Variants in GPHN observed in about 807,000 individuals in gnomAD.
GPHN encodes the protein gephyrin.
In GPHN, 17 loss-of-function variants were observed where a neutral mutation model predicts 95.5. The ratio of observed to expected loss-of-function variants is 0.18; its 90% CI spans 0.12 to 0.27. The LOEUF is 0.27. GPHN is among the 10% of genes least tolerant of loss of function. The pLI, the probability that GPHN is intolerant of heterozygous loss-of-function variation, is 1.00. For synonymous variants in GPHN, 320 were observed against 322.5 expected (o/e 0.99, Z 0.08); for missense variants, 660 against 978.1 (o/e 0.67, Z 4.34).
the GPHN span, among the ~76,000 whole-genome samples, chr14:67,514,901 G>C: frequency 6.6e-6 from 1 of 152,204 alleles, no homozygotes; most frequent in South Asian, 2.1e-4. Context: ...ATCTCGAACC[G>C]GGGCAGCAGC....
chr14:67,717,763 A>G, the GPHN span: 1 of 152,236 alleles, frequency 6.6e-6, no homozygotes, highest in African/African-American at 2.4e-5. Context: ...AAAGAATTAT[A>G]AGGCTCAAAA....
intron 2 of GPHN, among the ~76,000 whole-genome samples, chr14:66,768,934 A>G (rs2059062610): frequency 6.6e-6 from 1 of 152,086 alleles, no homozygotes; most frequent in African/African-American, 2.4e-5. Flanking sequence ...TATAATATAC[A>G]TATATACTTG....
chr14:66,714,108 C>T (rs1024655299), intron 2 of GPHN, among the ~76,000 whole-genome samples: 2 of 152,072 alleles, frequency 1.3e-5, no homozygotes, highest in South Asian at 2.1e-4. Context: ...TACCCATCCA[C>T]GAGTGTGGGA....
Position 66,707,425 on chromosome 14 carries a change from A to G in GPHN, c.143+26240A>G, listed in dbSNP as rs142053287. Among the ~76,000 whole-genome samples, 555 of 152,376 alleles carry G rather than the reference A, an allele frequency of 3.6e-3. 11 individuals are homozygous for G. Among genetic ancestry groups the G allele is most frequent in the African/African-American group, 0.013 (529 of 41,580 alleles). On this transcript the variant is annotated intron_variant, in intron 2 of 22. Coordinates refer to ENST00000478722, the MANE Select transcript of GPHN (RefSeq NM_020806.5). The stretch of plus-strand genomic sequence containing the variant: ...CATGGAACCAACCCAAATGCCCGTC[A>G]GTGATAGATTGGATAAAGAAAATGT...
chr14:67,631,090 C>A, the GPHN span, among the ~76,000 whole-genome samples: 1 of 152,204 alleles, frequency 6.6e-6, no homozygotes, highest in Non-Finnish European at 1.5e-5. Context: ...CTCTCCTAAC[C>A]TGTCCTTTCG....
chr14:67,225,044 C>T, the GPHN span: 1 of 1,390,548 alleles, frequency 7.2e-7, no homozygotes, highest in Non-Finnish European at 9.6e-7. Context: ...CTGCTTTTGG[C>T]TTTTTTTCTT....
At chr14:67,338,498 TA>T in the GPHN span, 1 of 1,077,910 alleles carries the variant, frequency 9.3e-7, no homozygotes. Context: ...GACATCTAGG[TA>T]AATTTTACAA....
At chr14:66,749,413 C>G (rs886414287) in intron 2 of GPHN, among the ~76,000 whole-genome samples, 2 of 151,842 alleles carry the variant, frequency 1.3e-5, no homozygotes, top group African/African-American at 4.8e-5. Flanking sequence ...TGTAAGAAAC[C>G]ACCAGACTGT....
At chr14:67,235,861 C>G in the GPHN span, among the ~76,000 whole-genome samples, 1 of 152,180 alleles carries the variant, frequency 6.6e-6, no homozygotes, top group African/African-American at 2.4e-5. Context: ...CTTTTGTTGA[C>G]TCTTGTTTCC....
the GPHN span, among the ~76,000 whole-genome samples, chr14:67,476,485 G>T: frequency 6.6e-6 from 1 of 152,254 alleles, no homozygotes; most frequent in Non-Finnish European, 1.5e-5. Context: ...TACTTGGGAG[G>T]CTGAGGCAGA....
chr14:67,285,319 T>C, the GPHN span, among the ~76,000 whole-genome samples: 1 of 151,924 alleles, frequency 6.6e-6, no homozygotes, highest in South Asian at 2.1e-4. Flanking sequence ...ATGAGAGTAA[T>C]ATATAAAAAT....
the GPHN span, among the ~76,000 whole-genome samples, chr14:67,478,824 A>G: frequency 6.6e-6 from 1 of 152,170 alleles, no homozygotes; most frequent in Non-Finnish European, 1.5e-5. Flanking sequence ...TCTCTGTGGT[A>G]ATAGTGAGCA....
the GPHN span, among the ~76,000 whole-genome samples, chr14:67,430,935 C>T: frequency 1.3e-5 from 2 of 152,274 alleles, no homozygotes; most frequent in South Asian, 2.1e-4. Flanking sequence ...TTCCCAAATA[C>T]GCCTTTGTGT....
At chr14:66,547,031 A>G (rs2140135473) in intron 1 of GPHN, among the ~76,000 whole-genome samples, 1 of 152,222 alleles carries the variant, frequency 6.6e-6, no homozygotes, top group Non-Finnish European at 1.5e-5. Flanking sequence ...AGATTTCTAG[A>G]TAGCTTGTTT....
chr14:67,116,987 C>T (rs577589747), intron 16 of GPHN, among the ~76,000 whole-genome samples: 2 of 152,202 alleles, frequency 1.3e-5, no homozygotes, highest in South Asian at 2.1e-4. Context: ...TTGTGTTAGA[C>T]CTATGTATCT....
At chr14:66,578,950 G>T (rs897362588) in intron 1 of GPHN, among the ~76,000 whole-genome samples, 8 of 151,670 alleles carry the variant, frequency 5.3e-5, no homozygotes, top group Non-Finnish European at 4.4e-5. Flanking sequence ...CTACAATGGT[G>T]GTGTGTAAAT....
chr14:66,586,019 A>G (rs1185875306), intron 1 of GPHN, among the ~76,000 whole-genome samples: 1 of 152,046 alleles, frequency 6.6e-6, no homozygotes, highest in Non-Finnish European at 1.5e-5. Flanking sequence ...ATTGTGTGGG[A>G]TTCTAAGTCT....
Position 66,545,492 on chromosome 14 carries a change from C to T in GPHN, c.64+36901C>T, listed in dbSNP as rs12890175. Among the ~76,000 whole-genome samples the T allele has an allele frequency of 1.4e-3, 147 of 105,640 alleles. 1 individual carries two copies. The highest frequency in any genetic ancestry group is 3.7e-3 in the African/African-American group (82 of 22,124). 69.3% of individuals were successfully genotyped at this position (105,640 alleles called of 152,430 possible). A position where few individuals can be genotyped will look rare whatever the true frequency, so the allele number is the denominator to read the frequency against. On this transcript the variant is annotated intron_variant, in intron 1 of 22. Transcript: ENST00000478722. The stretch of plus-strand genomic sequence containing the variant: ...GGCGCCCCTCACCTCCCGGACGGGG[C>T]GGCTGGCCGGGCGGGGAGCTGACCC...
chr14:67,292,657 C>T, the GPHN span: 4 of 1,613,614 alleles, frequency 2.5e-6, no homozygotes, highest in African/African-American at 5.3e-5. Context: ...CATCACAGTA[C>T]ACATGAACAA....
Sources: allele counts gnomAD v4.1 joint callset (sites outside exome capture counted in the v4.1 genomes callset), GRCh38; gene constraint gnomAD v4.1.1; transcripts MANE v1.5; gene names NCBI Gene and HGNC (gene_info 2026-07-23, HGNC 2026-07-21).